RAD51AP1: variants seen among roughly 807,000 people sequenced by gnomAD.
RAD51AP1 encodes the protein RAD51-associated protein 1.
Under a neutral mutation model 34.3 loss-of-function variants are expected in RAD51AP1, and 14 were observed. The ratio of observed to expected loss-of-function variants is 0.41; its 90% CI spans 0.27 to 0.64. The LOEUF (loss-of-function observed/expected upper bound fraction) is 0.64. Ranked by LOEUF, RAD51AP1 falls within the 30% of genes least tolerant of loss-of-function variation. The pLI, the probability that RAD51AP1 is intolerant of heterozygous loss-of-function variation, is 0.33. For synonymous variants in RAD51AP1, 114 were observed against 129.8 expected (o/e 0.88, Z 0.83); for missense variants, 348 against 386.9 (o/e 0.90, Z 0.84).
At chr12:4,548,338 G>A (rs772887916) in intron 5 of RAD51AP1, among the ~76,000 whole-genome samples, 160 bp downstream of exon 5, 34 of 152,198 alleles carry the variant, frequency 2.2e-4, no homozygotes, top group Non-Finnish European at 3.7e-4. Context: ...TCATTCTGTC[G>A]TACTGCAGAC....
intron 3 of RAD51AP1, chr12:4,545,973 A>C: frequency 9.8e-7 from 1 of 1,016,730 alleles, no homozygotes. Context: ...TTTTAAGTGG[A>C]AGTGATGTTT....
chr12:4,559,257 T>G lies in RAD51AP1; in HGVS notation c.*264T>G. On this transcript the variant is annotated 3_prime_UTR_variant, in exon 9 of 9. Coordinates refer to ENST00000352618, the MANE Select transcript of RAD51AP1 (RefSeq NM_006479.5). ...GTTTTTCTATCAGTTCGACATGAAG[T>G]CCACATCACATGCTGTTCTTTTCTA... 3.2e-6 allele frequency: 1 copy of G among 313,034 alleles called. No individual in the cohort carries two copies. The highest frequency in any genetic ancestry group is 5.9e-6 in the Non-Finnish European group (1 of 170,488). 19.4% of individuals were successfully genotyped at this position (313,034 alleles called of 1,614,324 possible). A position where few individuals can be genotyped will look rare whatever the true frequency, so the allele number is the denominator to read the frequency against.
At position 4,556,424 on chromosome 12, in the gene RAD51AP1, T is replaced by A. The variant is rs745631261; in HGVS notation, c.793T>A (p.Ser265Thr). 5.0e-6 allele frequency: 8 copies of A among 1,613,826 alleles called. No individual in the cohort carries two copies. The East Asian group carries it at 6.7e-5, about 13-fold the overall frequency. ...SQSLPKKVSL[S>T]SDTTRKPLEI... ...GTCCTTGCCAAAAAAGGTTTCTCTG[T>A]CTTCAGATACCACTAGGAAACCATT... The change falls in exon 8 of 9, where the codon TCT becomes ACT. Residue 265 changes from serine (S) to threonine (T), a missense_variant. Transcript: ENST00000352618.
intron 7 of RAD51AP1, among the ~76,000 whole-genome samples, chr12:4,556,127 G>C (rs545022077): frequency 5.3e-5 from 8 of 152,128 alleles, no homozygotes; most frequent in African/African-American, 1.9e-4. Flanking sequence ...ATCTGTATTG[G>C]AGTTGTTGTA....
chr12:4,539,247 TTTTA>T (rs1944434447), intron 1 of RAD51AP1, among the ~76,000 whole-genome samples: 1 of 152,218 alleles, frequency 6.6e-6, no homozygotes, highest in Non-Finnish European at 1.5e-5. Context: ...TTATGTGTTA[TTTTA>T]TTTGTTTATC....
chr12:4,545,172 G>A (rs1406869487), intron 3 of RAD51AP1: 2 of 445,784 alleles, frequency 4.5e-6, no homozygotes, highest in Non-Finnish European at 9.0e-6. Flanking sequence ...ATCTGCTAAT[G>A]AATGGATAAG....
At chr12:4,554,711 G>A (rs1283331346) in intron 7 of RAD51AP1, among the ~76,000 whole-genome samples, 1 of 152,150 alleles carries the variant, frequency 6.6e-6, no homozygotes, top group East Asian at 1.9e-4. Flanking sequence ...TAAGTGATAG[G>A]ACTAGGAATT....
chr12:4,557,980 T>G (rs577274371), intron 8 of RAD51AP1, among the ~76,000 whole-genome samples: 5 of 152,186 alleles, frequency 3.3e-5, no homozygotes, highest in Admixed American at 2.6e-4. Context: ...GTTGATTTTT[T>G]TTGTTGTTGT....
intron 7 of RAD51AP1, 142 bp downstream of exon 7, chr12:4,553,289 T>G (rs1944559803): frequency 1.5e-6 from 1 of 677,176 alleles, no homozygotes; most frequent in Admixed American, 3.7e-5. Flanking sequence ...GAAGGTGGGG[T>G]GGGGAAGGGA....
At chr12:4,553,287 G>T in intron 7 of RAD51AP1, 140 bp downstream of exon 7, 1 of 672,392 alleles carries the variant, frequency 1.5e-6, no homozygotes, top group Non-Finnish European at 2.3e-6. Flanking sequence ...AGGAAGGTGG[G>T]GTGGGGAAGG....
intron 3 of RAD51AP1, chr12:4,545,304 G>T: frequency 2.4e-6 from 1 of 421,728 alleles, no homozygotes; most frequent in South Asian, 1.7e-5. Context: ...AAAGAAGCCA[G>T]ATATACAGGT....
intron 6 of RAD51AP1, 33 bp downstream of exon 6, chr12:4,548,869 T>C (rs1565525661): frequency 6.2e-7 from 1 of 1,600,956 alleles, no homozygotes; most frequent in Non-Finnish European, 8.5e-7. Flanking sequence ...ATTAATTCTA[T>C]GGGAATTCAG....
intron 6 of RAD51AP1, among the ~76,000 whole-genome samples, chr12:4,552,689 T>A (rs906397064): frequency 1.3e-5 from 2 of 152,214 alleles, no homozygotes; most frequent in African/African-American, 2.4e-5. Flanking sequence ...ATATTGCAGA[T>A]GTTATTCTAA....
rs568067808 is a variant in RAD51AP1 at position 4,559,908 on chromosome 12, C to T, written c.*915C>T. 1 of 152,096 alleles carries T rather than the reference C, an allele frequency of 6.6e-6. No homozygotes were observed. The highest frequency in any genetic ancestry group is 6.5e-5 in the Admixed American group (1 of 15,276). The allele number at this position is 152,096 out of a possible 1,614,324, so 9.4% of individuals were successfully genotyped here. On this transcript the variant is annotated 3_prime_UTR_variant, in exon 9 of 9. Transcript: ENST00000352618. ...TTGAGAATTTCAACTAGCTTCTGAT[C>T]AATTTTTAATAAAAAATTTTCAAAT...
chr12:4,554,842 A>G (rs975854347), intron 7 of RAD51AP1, among the ~76,000 whole-genome samples: 1 of 152,344 alleles, frequency 6.6e-6, no homozygotes, highest in African/African-American at 2.4e-5. Context: ...TATGCTGTCC[A>G]ATATGGTAAC....
At chr12:4,545,926 A>G in intron 3 of RAD51AP1, 1 of 1,434,152 alleles carries the variant, frequency 7.0e-7, no homozygotes, top group South Asian at 1.3e-5. Context: ...AGAGCTATAA[A>G]ATCTGCTAAA....
At chr12:4,541,961 A>C (rs749558584) in intron 2 of RAD51AP1, 28 bp downstream of exon 2, 1 of 1,426,104 alleles carries the variant, frequency 7.0e-7, no homozygotes, top group Admixed American at 2.1e-5. Flanking sequence ...TTTTTGTTCT[A>C]AAGATTTGGA....
At chr12:4,545,275 G>A (rs376869249) in intron 3 of RAD51AP1, 33 of 432,588 alleles carry the variant, frequency 7.6e-5, no homozygotes, top group East Asian at 6.4e-4. Context: ...GATGAACCTT[G>A]GAAACATCAT....
intron 2 of RAD51AP1, among the ~76,000 whole-genome samples, chr12:4,542,823 C>T (rs1331185430): frequency 6.6e-6 from 1 of 152,072 alleles, no homozygotes; most frequent in Non-Finnish European, 1.5e-5. Context: ...AGAACTACAA[C>T]AGTTCAGAGG....
Sources: allele counts gnomAD v4.1 joint callset (sites outside exome capture counted in the v4.1 genomes callset), GRCh38; gene constraint gnomAD v4.1.1; transcripts MANE v1.5; gene names NCBI Gene and HGNC (gene_info 2026-07-23, HGNC 2026-07-21).